Variants in CPED1 observed in about 807,000 individuals in gnomAD.
The protein encoded by CPED1 is cadherin like and PC-esterase domain containing 1.
CPED1 carries 114 observed loss-of-function variants against 128.2 expected under a neutral mutation model. The observed-to-expected ratio is 0.89, with a 90% CI of 0.76 to 1.04. The LOEUF (loss-of-function observed/expected upper bound fraction) is 1.04. Among genes scored for constraint, CPED1 ranks in the 50% least tolerant of loss-of-function variants. The probability of loss-of-function intolerance (pLI) is 0.00; values close to 1 mark genes in which losing one functional copy is unlikely to be tolerated. For synonymous variants in CPED1, 462 were observed against 426.7 expected (o/e 1.08, Z -1.02); for missense variants, 1,211 against 1,207.1 (o/e 1.00, Z -0.05).
intron 3 of CPED1, among the ~76,000 whole-genome samples, chr7:121,023,357 A>G (rs1792490835): frequency 6.6e-6 from 1 of 152,164 alleles, no homozygotes; most frequent in Non-Finnish European, 1.5e-5. Flanking sequence ...TTATGGAAGG[A>G]CATTTTATCT....
chr7:121,128,808 A>G (rs1014596187), intron 11 of CPED1, among the ~76,000 whole-genome samples: 2 of 152,128 alleles, frequency 1.3e-5, no homozygotes, highest in African/African-American at 4.8e-5. Context: ...CAGAACATTT[A>G]CATGCAACCA....
intron 16 of CPED1, among the ~76,000 whole-genome samples, chr7:121,198,631 A>G (rs568424656): frequency 5.3e-5 from 8 of 152,078 alleles, no homozygotes; most frequent in Non-Finnish European, 1.2e-4. Flanking sequence ...TCTTCTTACT[A>G]CTCTCTGAAA....
intron 16 of CPED1, among the ~76,000 whole-genome samples, chr7:121,148,190 A>C (rs889268739): frequency 6.6e-6 from 1 of 152,192 alleles, no homozygotes; most frequent in African/African-American, 2.4e-5. Context: ...TTTTTCAACA[A>C]TACAATATGT....
At chr7:121,078,498 GAAA>G (rs529856618) in intron 5 of CPED1, among the ~76,000 whole-genome samples, 6 of 101,924 alleles carry the variant, frequency 5.9e-5, no homozygotes, top group African/African-American at 2.6e-4. Flanking sequence ...AAGAAAGAAA[GAAA>G]AAAAAAAAAA....
At chr7:121,123,309 G>A (rs1203593361) in intron 7 of CPED1, among the ~76,000 whole-genome samples, 2 of 152,004 alleles carry the variant, frequency 1.3e-5, no homozygotes, top group Non-Finnish European at 2.9e-5. Flanking sequence ...CACATTTACC[G>A]TTTTTCCACA....
chr7:121,072,071 T>G (rs1794004809), intron 5 of CPED1, among the ~76,000 whole-genome samples: 1 of 151,982 alleles, frequency 6.6e-6, no homozygotes, highest in African/African-American at 2.4e-5. Flanking sequence ...ATTTCTTTGC[T>G]GCCAAGCCTG....
At chr7:121,178,152 G>T (rs900563464) in intron 16 of CPED1, among the ~76,000 whole-genome samples, 2 of 152,056 alleles carry the variant, frequency 1.3e-5, no homozygotes, top group African/African-American at 4.8e-5. Context: ...CAGCCTCTGA[G>T]GAGGGGGCAA....
chr7:121,136,114 A>G, intron 14 of CPED1, 24 bp downstream of exon 14: 6 of 1,546,384 alleles, frequency 3.9e-6, no homozygotes, highest in Non-Finnish European at 4.3e-6. Context: ...AAAGTGTTGT[A>G]GCAGCATAAT....
intron 3 of CPED1, among the ~76,000 whole-genome samples, chr7:121,026,783 T>C (rs768803536): frequency 6.5e-4 from 99 of 151,476 alleles, no homozygotes; most frequent in Non-Finnish European, 1.0e-3. Flanking sequence ...CTGCCTTGCA[T>C]TGATGTTGAG....
At chr7:121,140,323 A>T (rs1028478146) in intron 14 of CPED1, among the ~76,000 whole-genome samples, 1 of 151,970 alleles carries the variant, frequency 6.6e-6, no homozygotes, top group Non-Finnish European at 1.5e-5. Flanking sequence ...TGTTTGGTAT[A>T]ATGCTGGAGT....
intron 14 of CPED1, among the ~76,000 whole-genome samples, chr7:121,140,306 T>C (rs1341724871): frequency 6.6e-6 from 1 of 151,978 alleles, no homozygotes; most frequent in East Asian, 1.9e-4. Flanking sequence ...GCCTTTGTTT[T>C]TGTGTCTGTT....
chr7:121,080,564 C>T (rs1480097165), intron 5 of CPED1, among the ~76,000 whole-genome samples: 2 of 152,154 alleles, frequency 1.3e-5, no homozygotes, highest in Non-Finnish European at 2.9e-5. Context: ...AGAGTACAAT[C>T]AAGTTCCAGG....
In CPED1 at chr7:121,098,779, TAAAA is replaced by T. The variant is rs1024786368; in HGVS notation, c.749+950_749+953del. Among the ~76,000 whole-genome samples, 92 of 110,994 alleles carry T rather than the reference TAAAA, an allele frequency of 8.3e-4. 1 individual carries two copies. Among genetic ancestry groups the T allele is most frequent in the African/African-American group, 3.1e-3 (84 of 27,488 alleles). The allele number at this position is 110,994 out of a possible 152,430, so 72.8% of individuals were successfully genotyped here. On this transcript the variant is annotated intron_variant, in intron 6 of 22. Coordinates refer to ENST00000310396, the MANE Select transcript of CPED1 (RefSeq NM_024913.5). ...AAAAATATATATAAATATATATATA[TAAAA>T]ATATATAAAAATATATATAAATATA... is the stretch of plus-strand genomic sequence containing the variant.
chr7:121,115,493 G>A (rs1393482926), intron 7 of CPED1, among the ~76,000 whole-genome samples: 1 of 151,914 alleles, frequency 6.6e-6, no homozygotes, highest in Non-Finnish European at 1.5e-5. Context: ...TGATTGACCA[G>A]GAAACTTAAT....
chr7:121,262,668 T>C (rs1289687394), intron 18 of CPED1, among the ~76,000 whole-genome samples: 1 of 152,094 alleles, frequency 6.6e-6, no homozygotes. Flanking sequence ...CATAAATATT[T>C]GTTATGATAA....
At chr7:121,205,862 T>C (rs966925916) in intron 16 of CPED1, among the ~76,000 whole-genome samples, 27 of 152,090 alleles carry the variant, frequency 1.8e-4, no homozygotes, top group South Asian at 6.2e-4. Context: ...AGCTGAAGGT[T>C]ACCCAGCCAA....
At chr7:121,047,297 A>C (rs986592539) in intron 4 of CPED1, among the ~76,000 whole-genome samples, 2 of 152,206 alleles carry the variant, frequency 1.3e-5, no homozygotes, top group African/African-American at 4.8e-5. Context: ...CGAAGTGGTA[A>C]AGTCTTTATT....
chr7:121,221,547 C>G (rs993825409), intron 16 of CPED1, among the ~76,000 whole-genome samples: 1 of 152,244 alleles, frequency 6.6e-6, no homozygotes, highest in South Asian at 2.1e-4. Context: ...ACACTGTCTT[C>G]CACAATGGTT....
chr7:121,150,168 T>C (rs1163437868), intron 16 of CPED1, among the ~76,000 whole-genome samples: 1 of 151,536 alleles, frequency 6.6e-6, no homozygotes, highest in Non-Finnish European at 1.5e-5. Flanking sequence ...GTAATGAGCA[T>C]AGTACCAAAG....
Sources: gnomAD v4.1 joint callset for allele counts (sites outside exome capture counted in the v4.1 genomes callset) on GRCh38, gnomAD v4.1.1 for gene constraint, MANE v1.5 for transcripts, NCBI Gene and HGNC (gene_info 2026-07-23, HGNC 2026-07-21) for gene names.